Variants in IL1R2 observed in about 807,000 individuals in gnomAD.
IL1R2 encodes the protein interleukin-1 receptor type 2.
A neutral mutation model predicts 39.5 loss-of-function variants in IL1R2; 46 were observed. The ratio of observed to expected loss-of-function variants is 1.16; its 90% CI spans 0.92 to 1.49. The LOEUF is 1.49. IL1R2 is among the 40% of genes most tolerant of loss of function. The pLI, the probability that IL1R2 is intolerant of heterozygous loss-of-function variation, is 0.00. For missense variants in IL1R2, 537 were observed against 502.0 expected, an observed-to-expected ratio of 1.07 and a Z score of -0.67; for synonymous variants, 207 against 189.6, an observed-to-expected ratio of 1.09 and a Z score of -0.75.
At chr2:102,013,798 C>G (rs923978304) in intron 3 of IL1R2, among the ~76,000 whole-genome samples, 1 of 152,054 alleles carries the variant, frequency 6.6e-6, no homozygotes, top group Non-Finnish European at 1.5e-5. Flanking sequence ...GAGCAGGAAG[C>G]CTGCTTTGGA....
chr2:102,017,169 A>C (rs1677057059), intron 4 of IL1R2, among the ~76,000 whole-genome samples: 1 of 152,112 alleles, frequency 6.6e-6, no homozygotes, highest in South Asian at 2.1e-4. Flanking sequence ...AGGCCAAGGC[A>C]GGTAGATCAC....
chr2:102,018,576 CATA>C (rs1677152851), intron 4 of IL1R2, among the ~76,000 whole-genome samples: 2 of 152,196 alleles, frequency 1.3e-5, no homozygotes, highest in South Asian at 4.1e-4. Context: ...TTATTCCCTT[CATA>C]ATAATGATAC....
chr2:101,991,962 T>C lies in IL1R2; in HGVS notation c.-111T>C, dbSNP rs1338446795. 6 of 152,402 alleles carry C rather than the reference T, an allele frequency of 3.9e-5. No individual in the cohort carries two copies. Among genetic ancestry groups the C allele is most frequent in the Non-Finnish European group, 8.8e-5 (6 of 68,052 alleles). The allele number at this position is 152,402 out of a possible 1,614,324, so 9.4% of individuals were successfully genotyped here. Reference sequence around the variant, plus strand: ...CCCTGCTTTACTGCTGAGCTCCTGCTGGAGGTGAAAGTCTGGCCTGGCAGC... The same window carrying C: ...CCCTGCTTTACTGCTGAGCTCCTGCCGGAGGTGAAAGTCTGGCCTGGCAGC... On this transcript the variant is annotated 5_prime_UTR_variant, in exon 1 of 9. Coordinates refer to ENST00000332549, the MANE Select transcript of IL1R2 (RefSeq NM_004633.4).
chr2:102,027,586 C>T (rs748205117), intron 8 of IL1R2, among the ~76,000 whole-genome samples: 10 of 152,170 alleles, frequency 6.6e-5, no homozygotes, highest in Non-Finnish European at 1.0e-4. Context: ...AGGCTGAGGT[C>T]ATGTCGATTC....
At chr2:102,012,398 G>A (rs1045572636) in intron 3 of IL1R2, among the ~76,000 whole-genome samples, 4 of 152,146 alleles carry the variant, frequency 2.6e-5, no homozygotes, top group Non-Finnish European at 5.9e-5. Context: ...AAAAAGAACC[G>A]GAGAAGTGAG....
At chr2:101,992,474 C>G (rs1196592471) in intron 1 of IL1R2, among the ~76,000 whole-genome samples, 2 of 115,456 alleles carry the variant, frequency 1.7e-5, no homozygotes, top group African/African-American at 7.0e-5. Flanking sequence ...GACAGAGAGA[C>G]AGAGAGAGGC....
At chr2:102,005,257 G>T (rs775354778) in intron 1 of IL1R2, among the ~76,000 whole-genome samples, 1 of 152,148 alleles carries the variant, frequency 6.6e-6, no homozygotes, top group Non-Finnish European at 1.5e-5. Flanking sequence ...TCATTTGAGG[G>T]GAGGCTGCAC....
intron 4 of IL1R2, among the ~76,000 whole-genome samples, chr2:102,019,300 C>T (rs1370727424): frequency 6.6e-6 from 1 of 152,192 alleles, no homozygotes; most frequent in Non-Finnish European, 1.5e-5. Context: ...CCAGATACTT[C>T]CTAAGGCCTG....
At chr2:101,995,374 A>G (rs1675539924) in intron 1 of IL1R2, among the ~76,000 whole-genome samples, 1 of 152,160 alleles carries the variant, frequency 6.6e-6, no homozygotes, top group South Asian at 2.1e-4. Flanking sequence ...CATGGGTGGC[A>G]TGTAGGAGCC....
At chr2:101,992,658 GAGAGACAGAGAAAGGCAGAC>G (rs1320772465) in intron 1 of IL1R2, among the ~76,000 whole-genome samples, 2 of 151,894 alleles carry the variant, frequency 1.3e-5, no homozygotes, top group Non-Finnish European at 2.9e-5. Context: ...CAGAGATGGG[GAGAGACAGAGAAAGGCAGAC>G]AGAGACAGAG....
chr2:102,010,146 G>GCTA (rs1676531986), intron 3 of IL1R2: 1 of 346,904 alleles, frequency 2.9e-6, no homozygotes, highest in Non-Finnish European at 5.4e-6. Context: ...ATTTGTGTGC[G>GCTA]CTACTGTATT....
At chr2:102,014,405 T>G (rs1357960170) in intron 3 of IL1R2, among the ~76,000 whole-genome samples, 1 of 152,242 alleles carries the variant, frequency 6.6e-6, no homozygotes, top group Non-Finnish European at 1.5e-5. Flanking sequence ...GTGTGACTGT[T>G]ACTCAAGTAG....
intron 1 of IL1R2, among the ~76,000 whole-genome samples, chr2:102,004,766 T>C (rs544673257): frequency 2.0e-5 from 3 of 152,372 alleles, no homozygotes; most frequent in African/African-American, 7.2e-5. Flanking sequence ...TCTGAGGTTT[T>C]GATTATTGAA....
intron 3 of IL1R2, chr2:102,010,113 G>A (rs774801588): frequency 1.7e-5 from 7 of 420,102 alleles, no homozygotes; most frequent in East Asian, 4.2e-5. Context: ...GTTTCCTTGC[G>A]ATAAGATTTT....
At chr2:102,004,492 C>CA (rs34596104) in intron 1 of IL1R2, among the ~76,000 whole-genome samples, 16,995 of 99,200 alleles carry the variant, frequency 0.17, 1,084 homozygotes, top group Middle Eastern at 0.24. Context: ...GGTTATTTGA[C>CA]AAAAAAAAAA....
At position 102,022,244 on chromosome 2, in the gene IL1R2, C is replaced by T. The variant is rs199970902; in HGVS notation, c.746C>T (p.Ser249Phe). The change falls in exon 6 of 9, where the codon TCT becomes TTT. Residue 249 changes from serine (S) to phenylalanine (F), a missense_variant. Physicochemically the swap from Ser to Phe is radical, Grantham distance 155. Coordinates refer to ENST00000332549, the MANE Select transcript of IL1R2 (RefSeq NM_004633.4). ...IISPLKTISA[S>F]LGSRLTIPCK... The stretch of plus-strand genomic sequence containing the variant: ...TCCCCCCTCAAGACCATATCAGCTT[C>T]TCTGGGTAAGGCCCACAAGGACCAT... The T allele has an allele frequency of 4.7e-5, 76 of 1,613,346 alleles. No individual in the cohort carries two copies. Among genetic ancestry groups the T allele is most frequent in the Non-Finnish European group, 6.4e-5 (75 of 1,179,370 alleles).
chr2:101,998,445 C>A (rs1469557609), intron 1 of IL1R2, among the ~76,000 whole-genome samples: 1 of 152,220 alleles, frequency 6.6e-6, no homozygotes, highest in Non-Finnish European at 1.5e-5. Context: ...TTTGATTGAG[C>A]ATTCTGTTCA....
rs1676494397 is a variant in IL1R2 at position 102,009,677 on chromosome 2, C to G, written c.183C>G (p.Val61=). The G allele has an allele frequency of 1.9e-6, 3 of 1,614,212 alleles. No homozygotes were observed. The highest frequency in any genetic ancestry group is 1.1e-5 in the South Asian group (1 of 91,084). ...TGCCCTACTGGTTGTGGGCCTCTGT[C>G]AGCCCCCGCATCAACCTGACATGGC... is the stretch of plus-strand genomic sequence containing the variant. The part of the protein sequence containing the change: ...PQVPYWLWAS[V]SPRINLTWHK... Residue 61 remains valine, a synonymous_variant, in exon 3 of 9, where the codon GTC becomes GTG. Coordinates refer to ENST00000332549, the MANE Select transcript of IL1R2 (RefSeq NM_004633.4).
Position 102,008,557 on chromosome 2 carries a change from CTG to C in IL1R2, c.-18_-17del. ...CTCAGTCCTCCACTTCCCGTGTCCT[CTG>C]GAAGTTGTCAGGAGCAATGTTGCGC... On this transcript the variant is annotated 5_prime_UTR_variant, in exon 2 of 9. Coordinates refer to ENST00000332549, the MANE Select transcript of IL1R2 (RefSeq NM_004633.4). The C allele has an allele frequency of 1.2e-6, 2 of 1,612,552 alleles. No homozygotes were observed. The highest frequency in any genetic ancestry group is 1.7e-6 in the Non-Finnish European group (2 of 1,178,610).
Sources: gnomAD v4.1 joint callset for allele counts (sites outside exome capture counted in the v4.1 genomes callset) on GRCh38, gnomAD v4.1.1 for gene constraint, MANE v1.5 for transcripts, NCBI Gene and HGNC (gene_info 2026-07-23, HGNC 2026-07-21) for gene names.